The following TMEM175 variants were observed in gnomAD, a reference collection of about 807,000 sequenced individuals.
TMEM175 encodes transmembrane protein 175.
TMEM175 carries 36 observed loss-of-function variants against 36.5 expected under a neutral mutation model. The ratio of observed to expected loss-of-function variants is 0.99; its 90% CI spans 0.76 to 1.30. The LOEUF (loss-of-function observed/expected upper bound fraction) is 1.30, where lower values mean the gene tolerates loss of function less well. TMEM175 is among the 50% of genes most tolerant of loss of function. TMEM175 has a pLI of 0.00. For missense variants in TMEM175, 705 were observed against 692.8 expected, an observed-to-expected ratio of 1.02 and a Z score of -0.20; for synonymous variants, 339 against 313.4, an observed-to-expected ratio of 1.08 and a Z score of -0.86.
In TMEM175 at chr4:958,508, C is replaced by T. The variant is rs1328390727; in HGVS notation, c.*12C>T. On this transcript the variant is annotated 3_prime_UTR_variant, in exon 11 of 11. Coordinates refer to ENST00000264771, the MANE Select transcript of TMEM175 (RefSeq NM_032326.4). ...CTGCCCCCTGCTAGCAGCCACAGAG[C>T]CCACTCCCAGCCGTCCTCACCAGAG... 1.3e-6 allele frequency: 2 copies of T among 1,496,680 alleles called. No homozygotes were observed. The highest frequency in any genetic ancestry group is 2.4e-5 in the East Asian group (1 of 41,088). The allele number at this position is 1,496,680 out of a possible 1,614,324, so 92.7% of individuals were successfully genotyped here.
At chr4:953,377 G>C in intron 8 of TMEM175, 23 bp downstream of exon 8, 1 of 1,584,014 alleles carries the variant, frequency 6.3e-7, no homozygotes, top group Non-Finnish European at 8.6e-7. Flanking sequence ...ACAGCCCGTG[G>C]GGCCCAGGCA....
chr4:946,919 G>A (rs1344910337), intron 1 of TMEM175, among the ~76,000 whole-genome samples: 2 of 133,532 alleles, frequency 1.5e-5, no homozygotes, highest in Non-Finnish European at 3.2e-5. Context: ...CCAGGCACGC[G>A]TGCACAGGCG....
At chr4:956,166 A>T in intron 10 of TMEM175, 1 of 712,028 alleles carries the variant, frequency 1.4e-6, no homozygotes, top group Non-Finnish European at 2.1e-6. Context: ...ACCAGCAGCC[A>T]ACTGCTCTCC....
rs373650043 is a variant in TMEM175 at position 953,274 on chromosome 4, C to A, written c.547C>A (p.Arg183=). ...CTCTGCCCACAGGGCTCTGTACCGA[C>A]GACACGTCCTGGGCATCGTCCTCCA... is the stretch of plus-strand genomic sequence containing the variant. ...QRSAHRALYR[R]HVLGIVLQGP... Residue 183 remains arginine (R), a synonymous_variant, in exon 8 of 11, where the codon CGA becomes AGA. Coordinates refer to ENST00000264771, the MANE Select transcript of TMEM175 (RefSeq NM_032326.4). 4.3e-6 allele frequency: 7 copies of A among 1,613,968 alleles called. No individual in the cohort carries two copies. The highest frequency in any genetic ancestry group is 5.9e-6 in the Non-Finnish European group (7 of 1,180,002).
At chr4:947,599 CG>C (rs1728337935) in intron 1 of TMEM175, 109 bp from the exon 2 acceptor site, 7 of 823,654 alleles carry the variant, frequency 8.5e-6, no homozygotes, top group Non-Finnish European at 1.3e-5. Context: ...TGCTCAGTGG[CG>C]GCCAAGCCCC....
chr4:944,457 A>C (rs1259167599), intron 1 of TMEM175, among the ~76,000 whole-genome samples: 4 of 152,182 alleles, frequency 2.6e-5, no homozygotes, highest in Non-Finnish European at 5.9e-5. Flanking sequence ...TCTGCATTCT[A>C]GGTAAGAAGT....
At position 957,979 on chromosome 4, in the gene TMEM175, A is replaced by G. The variant is rs773778668; in HGVS notation, c.998A>G (p.His333Arg). ...TTCGCCCACCACTCACTCTTCCTGCATGTGCGCAAGGCCACGCGGGCCATG... is the reference window on the plus strand; with the variant it reads ...TTCGCCCACCACTCACTCTTCCTGCGTGTGCGCAAGGCCACGCGGGCCATG... Reference protein sequence around the residue: ...LWFAHHSLFLHVRKATRAMGL... With the variant: ...LWFAHHSLFLRVRKATRAMGL... Residue 333 changes from histidine (H) to arginine (R), a missense_variant, in exon 11 of 11, where the codon CAT becomes CGT. His to Arg is a conservative substitution (Grantham distance 29). Transcript: ENST00000264771. 4.3e-6 allele frequency: 7 copies of G among 1,612,730 alleles called. No individual in the cohort carries two copies. In the African/African-American group the frequency reaches 5.3e-5, roughly 12 times the overall value.
rs375008743 is a variant in TMEM175, at chr4:958,398, C to T, written c.1417C>T (p.Leu473=). Residue 473 remains leucine (L), a synonymous_variant, in exon 11 of 11, where the codon CTG becomes TTG. Transcript: ENST00000264771. ...RLLVGLALAT[L]RVLRGLARPE... ...GCTCGTGGGCCTGGCCCTGGCCACC[C>T]TGCGGGTCCTGCGGGGCCTCGCCCG... The T allele has an allele frequency of 6.2e-7, 1 of 1,600,010 alleles. No individual in the cohort carries two copies. The highest frequency in any genetic ancestry group is 1.3e-5 in the African/African-American group (1 of 75,012).
Position 951,684 on chromosome 4 carries a change from C to T in TMEM175, c.345C>T (p.Ala115=). 1.9e-6 allele frequency: 3 copies of T among 1,614,194 alleles called. No individual in the cohort carries two copies. Among genetic ancestry groups the T allele is most frequent in the Non-Finnish European group, 2.5e-6 (3 of 1,180,016 alleles). ...TDDTLALLNL[A]CMMTITFLPY... ...TGTGATGCCCTCCCTCCCTCCAGGC[C>T]TGCATGATGACCATCACCTTCCTGC... The change falls in exon 6 of 11, where the codon GCC becomes GCT. Residue 115 remains alanine (A), a splice_region_variant and synonymous_variant. Coordinates refer to ENST00000264771, the MANE Select transcript of TMEM175 (RefSeq NM_032326.4).
At chr4:935,531 A>C (rs1193008007) in intron 1 of TMEM175, among the ~76,000 whole-genome samples, 2 of 152,266 alleles carry the variant, frequency 1.3e-5, no homozygotes, top group Non-Finnish European at 2.9e-5. Flanking sequence ...TACACAAAGC[A>C]TAAACTAATA....
chr4:957,863 G>A lies in TMEM175; in HGVS notation c.882G>A (p.Arg294=), dbSNP rs760580668. 1.2e-6 allele frequency: 2 copies of A among 1,612,540 alleles called. No individual in the cohort carries two copies. Among genetic ancestry groups the A allele is most frequent in the Non-Finnish European group, 1.7e-6 (2 of 1,179,802 alleles). ...CGGACCCCAAGGATGTGAAGGAGAG[G>A]TTCAGCGGCAGCCTCGTGGCCGCCC... ...NVPDPKDVKE[R]FSGSLVAALS... Residue 294 remains arginine, a synonymous_variant, in exon 11 of 11, where the codon AGG becomes AGA. Coordinates refer to ENST00000264771, the MANE Select transcript of TMEM175 (RefSeq NM_032326.4).
Position 953,243 on chromosome 4 carries a change from C to T in TMEM175, c.516C>T (p.Ile172=). 6.2e-7 allele frequency: 1 copy of T among 1,613,880 alleles called. No individual in the cohort carries two copies. The highest frequency in any genetic ancestry group is 8.5e-7 in the Non-Finnish European group (1 of 1,179,890). The stretch of plus-strand genomic sequence containing the variant: ...TCCCGCACCTGCTGAGCCCGCAGAT[C>T]CAGCGCTCTGCCCACAGGGCTCTGT... ...FHFPHLLSPQ[I]QRSAHRALYR... is the part of the protein sequence containing the mutation. The change falls in exon 8 of 11, where the codon ATC becomes ATT. Residue 172 remains isoleucine, a synonymous_variant. Transcript: ENST00000264771.
Position 958,563 on chromosome 4 carries a change from G to A in TMEM175, c.*67G>A, listed in dbSNP as rs1711575503. On this transcript the variant is annotated 3_prime_UTR_variant, in exon 11 of 11. Coordinates refer to ENST00000264771, the MANE Select transcript of TMEM175 (RefSeq NM_032326.4). Reference sequence around the variant, plus strand: ...ACCAGGGAGGACAGGATGCTGGGCAGGGGAAGCCAAGTCACGGGCAGGCCG... The same window carrying A: ...ACCAGGGAGGACAGGATGCTGGGCAAGGGAAGCCAAGTCACGGGCAGGCCG... 1 of 1,363,592 alleles carries A rather than the reference G, an allele frequency of 7.3e-7. No homozygotes were observed. The highest frequency in any genetic ancestry group is 1.5e-5 in the South Asian group (1 of 66,360). The allele number at this position is 1,363,592 out of a possible 1,614,324, so 84.5% of individuals were successfully genotyped here. A position where few individuals can be genotyped will look rare whatever the true frequency, so the allele number is the denominator to read the frequency against.
At chr4:947,125 G>C (rs181914613) in intron 1 of TMEM175, among the ~76,000 whole-genome samples, 1 of 140,696 alleles carries the variant, frequency 7.1e-6, no homozygotes, top group Non-Finnish European at 1.5e-5. Flanking sequence ...CGCCGAGACC[G>C]GGGGAGAGCG....
At chr4:933,999 A>C (rs1726480260) in intron 1 of TMEM175, among the ~76,000 whole-genome samples, 1 of 152,280 alleles carries the variant, frequency 6.6e-6, no homozygotes, top group Non-Finnish European at 1.5e-5. Context: ...AAGAAAGCAC[A>C]GTATAATTAA....
chr4:958,475 G>T lies in TMEM175; in HGVS notation c.1494G>T (p.Gln498His). 2 of 1,554,724 alleles carry T rather than the reference G, an allele frequency of 1.3e-6. No individual in the cohort carries two copies. The highest frequency in any genetic ancestry group is 1.7e-6 in the Non-Finnish European group (2 of 1,155,900). The change falls in exon 11 of 11, where the codon CAG becomes CAT. Residue 498 changes from glutamine to histidine, a missense_variant. Gln to His is a conservative substitution (Grantham distance 24, BLOSUM62 0). Coordinates refer to ENST00000264771, the MANE Select transcript of TMEM175 (RefSeq NM_032326.4). ...APTGQDDPQSQLLPAPC is the reference protein window; with the variant it reads ...APTGQDDPQSHLLPAPC ...CGGGCCAGGACGACCCACAGTCCCA[G>T]CTCCTCCCTGCCCCCTGCTAGCAGC...
intron 1 of TMEM175, among the ~76,000 whole-genome samples, chr4:938,880 A>G (rs114436536): frequency 0.015 from 2,332 of 152,346 alleles, 64 homozygotes; most frequent in African/African-American, 0.053. Context: ...AATTTGACAC[A>G]TAGATTCTAA....
intron 7 of TMEM175, 118 bp downstream of exon 7, chr4:952,568 TG>T: frequency 1.9e-6 from 1 of 517,104 alleles, no homozygotes; most frequent in Non-Finnish European, 3.2e-6. Flanking sequence ...CTGCACTGTG[TG>T]TGTGTGTGTG....
chr4:947,050 C>A (rs6848199), intron 1 of TMEM175, among the ~76,000 whole-genome samples: 2 of 130,028 alleles, frequency 1.5e-5, no homozygotes, highest in East Asian at 2.5e-4. Context: ...CGTGCACGGG[C>A]GCCGAGACCG....
Sources: gnomAD v4.1 joint callset for allele counts (sites outside exome capture counted in the v4.1 genomes callset) on GRCh38, gnomAD v4.1.1 for gene constraint, MANE v1.5 for transcripts, NCBI Gene and HGNC (gene_info 2026-07-23, HGNC 2026-07-21) for gene names.